The following USH2A variants were observed in gnomAD, a reference collection of about 807,000 sequenced individuals.
The protein encoded by USH2A is usherin.
In USH2A, 443 loss-of-function variants were observed where a neutral mutation model predicts 538.9. The ratio of observed to expected loss-of-function variants is 0.82; its 90% CI spans 0.76 to 0.89. USH2A has a LOEUF of 0.89. USH2A is among the 40% of genes least tolerant of loss of function. The pLI, the probability that USH2A is intolerant of heterozygous loss-of-function variation, is 0.00. For synonymous variants in USH2A, 2,413 were observed against 2,273.5 expected, an observed-to-expected ratio of 1.06 and a Z score of -1.75; for missense variants, 6,633 against 6,324.8, an observed-to-expected ratio of 1.05 and a Z score of -1.65.
chr1:216,241,817 C>T (rs113850020), intron 13 of USH2A, among the ~76,000 whole-genome samples: 13 of 152,144 alleles, frequency 8.5e-5, no homozygotes, highest in African/African-American at 3.1e-4. Context: ...CAGGCATGAG[C>T]CACCATGTGC....
intron 3 of USH2A, among the ~76,000 whole-genome samples, chr1:216,408,283 C>G (rs2039429214): frequency 1.3e-5 from 2 of 152,088 alleles, no homozygotes; most frequent in Non-Finnish European, 2.9e-5. Context: ...TACAGTGTGA[C>G]TTGTGATAAT....
At position 216,120,219 on chromosome 1, in the gene USH2A, C is replaced by CAAAAAAAAAAAAA. The variant is rs10525093; in HGVS notation, c.4628-23019_4628-23007dup. On this transcript the variant is annotated intron_variant, in intron 21 of 71. Coordinates refer to ENST00000307340, the MANE Select transcript of USH2A (RefSeq NM_206933.4). ...TATTAAAACAGGTCATACTAAATAG[C>CAAAAAAAAAAAAA]AAAAAAAAAAAAAAAAAAAAAAAAA... Among the ~76,000 whole-genome samples, 15 of 100,018 alleles carry CAAAAAAAAAAAAA rather than the reference C, an allele frequency of 1.5e-4. 1 individual carries two copies. The highest frequency in any genetic ancestry group is 4.1e-4 in the South Asian group (1 of 2,448). The allele number at this position is 100,018 out of a possible 152,430, so 65.6% of individuals were successfully genotyped here.
intron 35 of USH2A, among the ~76,000 whole-genome samples, chr1:215,982,721 G>T (rs1667778276): frequency 6.6e-6 from 1 of 152,116 alleles, no homozygotes; most frequent in African/African-American, 2.4e-5. Context: ...TTGCATGCTG[G>T]TAATACAGAA....
chr1:215,993,211 A>G, intron 34 of USH2A, 44 bp from the exon 35 acceptor site: 1 of 1,613,908 alleles, frequency 6.2e-7, no homozygotes, highest in Non-Finnish European at 8.5e-7. Context: ...TTGGTCCCAA[A>G]AGTTTTCATG....
intron 21 of USH2A, among the ~76,000 whole-genome samples, chr1:216,163,317 C>A (rs2034099797): frequency 6.6e-6 from 1 of 151,892 alleles, no homozygotes; most frequent in East Asian, 1.9e-4. Context: ...TGAACATTTT[C>A]ATTGATTTTA....
intron 61 of USH2A, among the ~76,000 whole-genome samples, chr1:215,724,713 C>T (rs1659760005): frequency 6.6e-6 from 1 of 152,134 alleles, no homozygotes. Flanking sequence ...ATAGCCTGTG[C>T]CTCAGAACGA....
At chr1:216,400,072 A>G (rs2039280091) in intron 3 of USH2A, among the ~76,000 whole-genome samples, 1 of 152,170 alleles carries the variant, frequency 6.6e-6, no homozygotes, top group Non-Finnish European at 1.5e-5. Flanking sequence ...GAAGATCAAC[A>G]GATGCCATCA....
intron 47 of USH2A, among the ~76,000 whole-genome samples, chr1:215,820,756 C>T (rs1662989449): frequency 6.6e-6 from 1 of 151,742 alleles, no homozygotes; most frequent in African/African-American, 2.4e-5. Context: ...ATGACCCTCT[C>T]AGGCCTCTGG....
intron 58 of USH2A, among the ~76,000 whole-genome samples, chr1:215,756,368 A>G (rs1660793254): frequency 6.6e-6 from 1 of 152,220 alleles, no homozygotes. Flanking sequence ...GGCAACTGAT[A>G]TGTTAAATAA....
At chr1:216,357,341 T>G (rs1160892420) in intron 4 of USH2A, among the ~76,000 whole-genome samples, 1 of 152,160 alleles carries the variant, frequency 6.6e-6, no homozygotes. Flanking sequence ...TTCTAAGCTT[T>G]TTTTAAATCT....
intron 4 of USH2A, among the ~76,000 whole-genome samples, chr1:216,331,182 A>G (rs2037854472): frequency 6.6e-6 from 1 of 152,140 alleles, no homozygotes; most frequent in South Asian, 2.1e-4. Context: ...AGGTGAGAAT[A>G]CTATCAAATA....
intron 32 of USH2A, among the ~76,000 whole-genome samples, chr1:216,022,365 A>G (rs1057404638): frequency 1.3e-5 from 2 of 152,112 alleles, no homozygotes; most frequent in African/African-American, 4.8e-5. Context: ...TAACTCAGAT[A>G]TCTCTGAACA....
intron 21 of USH2A, among the ~76,000 whole-genome samples, chr1:216,170,106 A>C (rs905226516): frequency 9.2e-5 from 14 of 152,122 alleles, no homozygotes; most frequent in African/African-American, 3.4e-4. Context: ...TTCACTATAA[A>C]TGCTTATAAT....
chr1:216,148,537 TC>T (rs2033761665), intron 21 of USH2A, among the ~76,000 whole-genome samples: 1 of 152,120 alleles, frequency 6.6e-6, no homozygotes, highest in Non-Finnish European at 1.5e-5. Context: ...AATGCCAATA[TC>T]CCACCTCACA....
chr1:215,816,789 T>G (rs1406687381), intron 48 of USH2A, among the ~76,000 whole-genome samples: 1 of 152,096 alleles, frequency 6.6e-6, no homozygotes, highest in Non-Finnish European at 1.5e-5. Flanking sequence ...AGTTTATATT[T>G]CTTGTGAAGA....
intron 32 of USH2A, among the ~76,000 whole-genome samples, chr1:216,002,427 C>CTG (rs1433230868): frequency 3.9e-5 from 6 of 152,176 alleles, no homozygotes; most frequent in East Asian, 1.9e-4. Flanking sequence ...GGATTTGACT[C>CTG]TAAGTCCCGT....
intron 37 of USH2A, among the ~76,000 whole-genome samples, chr1:215,958,170 GT>G (rs1217915389): frequency 6.6e-6 from 1 of 152,022 alleles, no homozygotes; most frequent in Non-Finnish European, 1.5e-5. Flanking sequence ...ATAAAACACA[GT>G]ATATTCTGGG....
intron 18 of USH2A, among the ~76,000 whole-genome samples, chr1:216,198,035 T>C (rs1245931833): frequency 1.3e-5 from 2 of 152,172 alleles, no homozygotes; most frequent in Non-Finnish European, 2.9e-5. Context: ...ATGCTATTTT[T>C]GACAAACATT....
chr1:215,984,976 A>G (rs766273196), intron 35 of USH2A, among the ~76,000 whole-genome samples: 11 of 152,334 alleles, frequency 7.2e-5, no homozygotes, highest in Middle Eastern at 3.4e-3. Flanking sequence ...TCTCCTAAAA[A>G]TGGAATCAAC....
Sources: gnomAD v4.1 joint callset for allele counts (sites outside exome capture counted in the v4.1 genomes callset) on GRCh38, gnomAD v4.1.1 for gene constraint, MANE v1.5 for transcripts, NCBI Gene and HGNC (gene_info 2026-07-23, HGNC 2026-07-21) for gene names.